The following SGMS1 variants were observed in gnomAD, a reference collection of about 807,000 sequenced individuals.
SGMS1 encodes the protein sphingomyelin synthase 1, also known as phosphatidylcholine:ceramide cholinephosphotransferase 1.
Under a neutral mutation model 46.2 loss-of-function variants are expected in SGMS1, and 13 were observed. That is an observed-to-expected ratio of 0.28 (90% CI 0.18 to 0.45). SGMS1 has a LOEUF of 0.45. Ranked by LOEUF, SGMS1 falls within the 20% of genes least tolerant of loss-of-function variation. SGMS1 has a pLI of 1.00. For synonymous variants in SGMS1, 203 were observed against 187.8 expected (o/e 1.08, Z -0.66); for missense variants, 324 against 519.9 (o/e 0.62, Z 3.66).
At chr10:50,549,644 A>G (rs3011789) in intron 2 of SGMS1, among the ~76,000 whole-genome samples, 1 of 152,204 alleles carries the variant, frequency 6.6e-6, no homozygotes, top group African/African-American at 2.4e-5. Flanking sequence ...ACCATGGCAC[A>G]CGTTTACCTA....
chr10:50,516,647 T>TC (rs1837809025), intron 3 of SGMS1, among the ~76,000 whole-genome samples: 2 of 152,172 alleles, frequency 1.3e-5, no homozygotes, highest in African/African-American at 4.8e-5. Context: ...TTCAAAAAGA[T>TC]CACTCTTGCA....
At chr10:50,578,001 G>A (rs1318061453) in intron 2 of SGMS1, among the ~76,000 whole-genome samples, 1 of 152,186 alleles carries the variant, frequency 6.6e-6, no homozygotes, top group East Asian at 1.9e-4. Context: ...ATTTGACAGA[G>A]GATACATGTA....
chr10:50,368,095 T>G (rs936307555), intron 6 of SGMS1, among the ~76,000 whole-genome samples: 1 of 152,256 alleles, frequency 6.6e-6, no homozygotes, highest in Non-Finnish European at 1.5e-5. Flanking sequence ...CCCTGTTTTC[T>G]GAGCCATCAA....
intron 6 of SGMS1, among the ~76,000 whole-genome samples, chr10:50,414,223 C>G (rs888424580): frequency 6.6e-6 from 1 of 152,166 alleles, no homozygotes; most frequent in African/African-American, 2.4e-5. Flanking sequence ...CTAGGCAACA[C>G]AGTGAGACCT....
At chr10:50,438,440 A>G (rs1849501958) in intron 5 of SGMS1, among the ~76,000 whole-genome samples, 1 of 152,230 alleles carries the variant, frequency 6.6e-6, no homozygotes. Context: ...TAGAGAGCCC[A>G]TGAGAAACTG....
chr10:50,468,947 AC>A (rs1837355201), intron 3 of SGMS1, among the ~76,000 whole-genome samples: 1 of 152,150 alleles, frequency 6.6e-6, no homozygotes, highest in Non-Finnish European at 1.5e-5. Context: ...TTTACACTTA[AC>A]CCCACAAGAA....
At chr10:50,432,367 A>G (rs1849414247) in intron 6 of SGMS1, among the ~76,000 whole-genome samples, 1 of 152,196 alleles carries the variant, frequency 6.6e-6, no homozygotes, top group South Asian at 2.1e-4. Context: ...ATTTGTAACT[A>G]CTGTATCTGG....
chr10:50,334,383 G>A (rs1385924859), intron 7 of SGMS1, among the ~76,000 whole-genome samples: 2 of 152,160 alleles, frequency 1.3e-5, no homozygotes, highest in Non-Finnish European at 2.9e-5. Flanking sequence ...ATGCATACAT[G>A]TGTGTTTGTG....
intron 5 of SGMS1, among the ~76,000 whole-genome samples, chr10:50,458,216 T>C (rs1284236231): frequency 6.6e-6 from 1 of 152,226 alleles, no homozygotes; most frequent in Non-Finnish European, 1.5e-5. Context: ...AGAAAATTCT[T>C]AGACATGTTT....
rs140362664 is a variant in SGMS1 at position 50,554,297 on chromosome 10, G to A, written c.-588-34376C>T. On this transcript the variant is annotated intron_variant, in intron 2 of 10. Transcript: ENST00000361781. ...TAAATACACACAAAAACCCGTTCCG[G>A]TCTGTCAGTCAGGGAAAGACTATCC... Among the ~76,000 whole-genome samples, 38 of 152,244 alleles carry A rather than the reference G, an allele frequency of 2.5e-4. No homozygotes were observed. The East Asian group carries it at 6.7e-3, about 27-fold the overall frequency.
chr10:50,389,333 A>T (rs1848731736), intron 6 of SGMS1, among the ~76,000 whole-genome samples: 1 of 152,208 alleles, frequency 6.6e-6, no homozygotes, highest in Non-Finnish European at 1.5e-5. Context: ...CTAATATAAA[A>T]ACCAATCTTT....
chr10:50,488,900 G>A (rs144153558), intron 3 of SGMS1, among the ~76,000 whole-genome samples: 17 of 152,240 alleles, frequency 1.1e-4, no homozygotes, highest in African/African-American at 2.9e-4. Context: ...CTCAAGCTCC[G>A]TGGCTCACTG....
At chr10:50,383,704 G>C (rs998766942) in intron 6 of SGMS1, among the ~76,000 whole-genome samples, 11 of 151,740 alleles carry the variant, frequency 7.2e-5, no homozygotes, top group African/African-American at 2.7e-4. Context: ...TATAAATATT[G>C]CTCTATTTAC....
Position 50,488,568 on chromosome 10 carries a change from G to A in SGMS1, c.-497-21636C>T, listed in dbSNP as rs1837542217. ...TCAAAGAAACATAACATCAGTATAG[G>A]TGTCTACAAAATGAGTCAATATTCC... On this transcript the variant is annotated intron_variant, in intron 3 of 10. Coordinates refer to ENST00000361781, the MANE Select transcript of SGMS1 (RefSeq NM_147156.4). Among the ~76,000 whole-genome samples the A allele has an allele frequency of 2.0e-5, 3 of 152,184 alleles. No homozygotes were observed. The South Asian group carries it at 6.2e-4, about 32-fold the overall frequency.
chr10:50,549,517 A>G (rs1838130824), intron 2 of SGMS1, among the ~76,000 whole-genome samples: 1 of 152,120 alleles, frequency 6.6e-6, no homozygotes, highest in South Asian at 2.1e-4. Flanking sequence ...CAGGAGGGGA[A>G]CAACACATAT....
In SGMS1 at chr10:50,307,366, C is replaced by T. The variant is rs1327440601; in HGVS notation, c.1063-45G>A. On this transcript the variant is annotated intron_variant, in intron 10 of 10. Coordinates refer to ENST00000361781, the MANE Select transcript of SGMS1 (RefSeq NM_147156.4). This position sits in a 1 kb window ranked among gnomAD's most constrained non-coding sequence, Gnocchi z 4.2. ...TAAACACATTTCTTACAATCTTTCA[C>T]TTTAAGTTCAAATACTTGCCACGCT... is the stretch of plus-strand genomic sequence containing the variant. 4 of 1,570,950 alleles carry T rather than the reference C, an allele frequency of 2.5e-6. No homozygotes were observed. Among genetic ancestry groups the T allele is most frequent in the Non-Finnish European group, 3.5e-6 (4 of 1,151,308 alleles).
chr10:50,466,009 C>A (rs1339725587), intron 4 of SGMS1, among the ~76,000 whole-genome samples: 1 of 151,868 alleles, frequency 6.6e-6, no homozygotes, highest in African/African-American at 2.4e-5. Flanking sequence ...AATAAAGAGA[C>A]AGGAAAAGTA....
intron 6 of SGMS1, among the ~76,000 whole-genome samples, chr10:50,364,485 A>G (rs1349518701): frequency 6.6e-6 from 1 of 152,166 alleles, no homozygotes; most frequent in Non-Finnish European, 1.5e-5. Context: ...CAGAAGGGCT[A>G]GTCTCCATCC....
chr10:50,461,562 C>T (rs1837264722), intron 4 of SGMS1, among the ~76,000 whole-genome samples: 1 of 152,110 alleles, frequency 6.6e-6, no homozygotes, highest in Admixed American at 6.5e-5. Context: ...AGTAGGCTCT[C>T]AACCCTTTTC....
Sources: gnomAD v4.1 joint callset for allele counts (sites outside exome capture counted in the v4.1 genomes callset) on GRCh38, gnomAD v4.1.1 for gene constraint, Gnocchi (gnomAD v3.1) non-coding constraint, MANE v1.5 for transcripts, NCBI Gene and HGNC (gene_info 2026-07-23, HGNC 2026-07-21) for gene names.